EVA1C: variants seen among roughly 807,000 people sequenced by gnomAD.
EVA1C encodes eva-1 homolog C, also known as protein eva-1 homolog C.
A neutral mutation model predicts 45.4 loss-of-function variants in EVA1C; 25 were observed. The ratio of observed to expected loss-of-function variants is 0.55; its 90% CI spans 0.40 to 0.77. EVA1C has a LOEUF of 0.77. EVA1C is among the 30% of genes least tolerant of loss of function. The pLI, the probability that EVA1C is intolerant of heterozygous loss-of-function variation, is 0.00. For synonymous variants in EVA1C, 190 were observed against 221.2 expected, an observed-to-expected ratio of 0.86 and a Z score of 1.25; for missense variants, 479 against 554.8, an observed-to-expected ratio of 0.86 and a Z score of 1.37.
intron 1 of EVA1C, among the ~76,000 whole-genome samples, chr21:32,448,433 T>C (rs540181366): frequency 2.8e-4 from 42 of 152,304 alleles, no homozygotes; most frequent in Non-Finnish European, 5.6e-4. Flanking sequence ...GTAAAGCACA[T>C]GCCTGCCATC....
chr21:32,471,639 T>A (rs900595093), intron 4 of EVA1C, among the ~76,000 whole-genome samples: 1 of 149,990 alleles, frequency 6.7e-6, no homozygotes, highest in African/African-American at 2.5e-5. Flanking sequence ...ATTTCCTTTT[T>A]TTTTTTTTAG....
chr21:32,457,350 G>A (rs2035822564), intron 2 of EVA1C, among the ~76,000 whole-genome samples: 5 of 152,262 alleles, frequency 3.3e-5, no homozygotes. Flanking sequence ...CGCACCAGTA[G>A]TGGTGGATCA....
At chr21:32,444,044 T>C (rs1227761847) in intron 1 of EVA1C, among the ~76,000 whole-genome samples, 1 of 140,054 alleles carries the variant, frequency 7.1e-6, no homozygotes, top group Non-Finnish European at 1.5e-5. Flanking sequence ...CTGACACCAA[T>C]TGTGTGAAAA....
At chr21:32,444,203 G>T (rs1279476452) in intron 1 of EVA1C, among the ~76,000 whole-genome samples, 1 of 152,124 alleles carries the variant, frequency 6.6e-6, no homozygotes, top group Non-Finnish European at 1.5e-5. Context: ...AATCAATTCT[G>T]CAGCAAATAC....
At chr21:32,466,084 G>A (rs1043330677) in intron 3 of EVA1C, among the ~76,000 whole-genome samples, 7 of 149,160 alleles carry the variant, frequency 4.7e-5, no homozygotes, top group East Asian at 2.0e-4. Flanking sequence ...TCATACCTAC[G>A]CAGTCTTTTG....
intron 2 of EVA1C, among the ~76,000 whole-genome samples, chr21:32,455,546 AT>A (rs1265182825): frequency 1.3e-5 from 2 of 151,688 alleles, no homozygotes; most frequent in African/African-American, 4.8e-5. Flanking sequence ...ACCCACCCCC[AT>A]TTCTCAGCCA....
intron 1 of EVA1C, among the ~76,000 whole-genome samples, chr21:32,431,712 A>C (rs2034711401): frequency 6.6e-6 from 1 of 152,224 alleles, no homozygotes; most frequent in Admixed American, 6.5e-5. Context: ...GACATCCTTT[A>C]TACCCTTCAC....
At chr21:32,453,285 C>A in intron 1 of EVA1C, 27 bp from the exon 2 acceptor site, 2 of 1,565,324 alleles carry the variant, frequency 1.3e-6, no homozygotes, top group East Asian at 2.3e-5. Flanking sequence ...TCCTGGGCCT[C>A]TAGTAACTCG....
At chr21:32,437,271 C>G (rs754170984) in intron 1 of EVA1C, among the ~76,000 whole-genome samples, 2 of 152,234 alleles carry the variant, frequency 1.3e-5, no homozygotes, top group Non-Finnish European at 2.9e-5. Flanking sequence ...AGCATGGGGC[C>G]CTGTGTGACT....
chr21:32,489,759 C>T (rs187695949), intron 4 of EVA1C, among the ~76,000 whole-genome samples: 1 of 152,182 alleles, frequency 6.6e-6, no homozygotes, highest in African/African-American at 2.4e-5. Context: ...TTATCTGTGT[C>T]TTGCTCAATT....
intron 4 of EVA1C, among the ~76,000 whole-genome samples, chr21:32,489,834 C>T (rs1434108418): frequency 6.6e-6 from 1 of 152,006 alleles, no homozygotes; most frequent in Non-Finnish European, 1.5e-5. Context: ...TAAATTTATT[C>T]CTAGGTAATT....
At chr21:32,431,265 C>A (rs986554292) in intron 1 of EVA1C, among the ~76,000 whole-genome samples, 5 of 152,220 alleles carry the variant, frequency 3.3e-5, no homozygotes, top group African/African-American at 1.2e-4. Context: ...CAACGTCTCC[C>A]ATCTTATTAG....
intron 7 of EVA1C, among the ~76,000 whole-genome samples, chr21:32,507,895 A>G (rs1360377866): frequency 7.7e-6 from 1 of 129,386 alleles, no homozygotes; most frequent in Non-Finnish European, 1.6e-5. Context: ...GTATCTGTGC[A>G]TGTGTGTATC....
chr21:32,424,729 A>G (rs544572380), intron 1 of EVA1C, among the ~76,000 whole-genome samples: 196 of 152,312 alleles, frequency 1.3e-3, no homozygotes, highest in Middle Eastern at 3.4e-3. Context: ...GTGGAGAACC[A>G]CACAGAGCAG....
At chr21:32,467,910 A>ATATC in intron 4 of EVA1C, 62 bp downstream of exon 4, 1 of 1,041,634 alleles carries the variant, frequency 9.6e-7, no homozygotes. Flanking sequence ...AATAGAATAT[A>ATATC]TATATATATA....
intron 4 of EVA1C, among the ~76,000 whole-genome samples, chr21:32,475,340 TATCATCATC>T (rs61177845): frequency 7.3e-5 from 11 of 150,824 alleles, no homozygotes; most frequent in Non-Finnish European, 1.2e-4. Flanking sequence ...TCTTCTAAAA[TATCATCATC>T]ATCATCATCA....
At chr21:32,473,117 C>G (rs1368474782) in intron 4 of EVA1C, among the ~76,000 whole-genome samples, 1 of 152,244 alleles carries the variant, frequency 6.6e-6, no homozygotes, top group African/African-American at 2.4e-5. Context: ...GTGCTAAGGG[C>G]AGAACCACGC....
rs761009876 is a variant in EVA1C, at chr21:32,501,513, C to T, written c.859+18C>T. ...TGAATATGGTAATTTTTATGGCTTA[C>T]TACCAGCATTTCTCTTTAAGTAAAG... On this transcript the variant is annotated intron_variant, in intron 6 of 7. Transcript: ENST00000300255. 5.6e-5 allele frequency: 89 copies of T among 1,592,660 alleles called. No individual in the cohort carries two copies. Among genetic ancestry groups the T allele is most frequent in the Non-Finnish European group, 7.1e-5 (84 of 1,177,800 alleles).
chr21:32,502,000 CT>C (rs1337136647), intron 6 of EVA1C, among the ~76,000 whole-genome samples: 8 of 56,638 alleles, frequency 1.4e-4, no homozygotes, highest in African/African-American at 5.5e-4. Context: ...TTCTTTCTTT[CT>C]TTCTTTCTTT....
Sources: allele counts gnomAD v4.1 joint callset (sites outside exome capture counted in the v4.1 genomes callset), GRCh38; gene constraint gnomAD v4.1.1; transcripts MANE v1.5; gene names NCBI Gene and HGNC (gene_info 2026-07-23, HGNC 2026-07-21).